CNBD1: variants seen among roughly 807,000 people sequenced by gnomAD.
CNBD1 encodes cyclic nucleotide binding domain containing 1.
A neutral mutation model predicts 54.4 loss-of-function variants in CNBD1; 71 were observed. The observed-to-expected ratio is 1.30, with a 90% CI of 1.08 to 1.59. The LOEUF (loss-of-function observed/expected upper bound fraction) is 1.59. Ranked by LOEUF, CNBD1 falls within the 40% of genes most tolerant of loss-of-function variation. CNBD1 has a pLI of 0.00. For missense variants in CNBD1, 659 were observed against 518.0 expected, an observed-to-expected ratio of 1.27 and a Z score of -2.64; for synonymous variants, 182 against 170.7, an observed-to-expected ratio of 1.07 and a Z score of -0.51.
chr8:87,354,800 C>T (rs1206972948), intron 10 of CNBD1, among the ~76,000 whole-genome samples: 1 of 152,146 alleles, frequency 6.6e-6, no homozygotes, highest in Non-Finnish European at 1.5e-5. Flanking sequence ...TTAACCCAGT[C>T]TATCACTGTT....
At chr8:87,020,076 C>T (rs890262287) in intron 4 of CNBD1, among the ~76,000 whole-genome samples, 1 of 152,038 alleles carries the variant, frequency 6.6e-6, no homozygotes, top group Non-Finnish European at 1.5e-5. Flanking sequence ...CTACCTGTAA[C>T]CTTGGATGCC....
chr8:87,061,073 C>A (rs1295374544), intron 4 of CNBD1, among the ~76,000 whole-genome samples: 1 of 152,168 alleles, frequency 6.6e-6, no homozygotes, highest in African/African-American at 2.4e-5. Flanking sequence ...TATAAAATTC[C>A]TTTTCAAAAT....
At chr8:87,300,169 A>G (rs1808956974) in intron 8 of CNBD1, among the ~76,000 whole-genome samples, 1 of 152,178 alleles carries the variant, frequency 6.6e-6, no homozygotes, top group Admixed American at 6.6e-5. Flanking sequence ...TCAATATTAT[A>G]GTTTTATGAA....
intron 5 of CNBD1, among the ~76,000 whole-genome samples, chr8:87,212,333 C>CT (rs1055555998): frequency 7.3e-5 from 11 of 151,696 alleles, no homozygotes; most frequent in Admixed American, 2.0e-4. Context: ...TACCAATTGT[C>CT]TTTTTTTTGC....
Position 87,326,991 on chromosome 8 carries a change from G to A in CNBD1, c.1043-24694G>A, listed in dbSNP as rs1185151513. ...GTACAGATGGGTTTTTGGTGTGGAT[G>A]TCCTTTCTGTTTGTTAGTTTTCCTT... is the stretch of plus-strand genomic sequence containing the variant. On this transcript the variant is annotated intron_variant, in intron 8 of 10. Coordinates refer to ENST00000518476, the MANE Select transcript of CNBD1 (RefSeq NM_173538.3). Among the ~76,000 whole-genome samples the A allele has an allele frequency of 7.5e-5, 11 of 147,408 alleles. No homozygotes were observed. In the South Asian group the frequency reaches 1.9e-3, roughly 26 times the overall value.
intron 8 of CNBD1, among the ~76,000 whole-genome samples, chr8:87,338,126 C>G (rs936273938): frequency 1.3e-5 from 2 of 152,106 alleles, no homozygotes; most frequent in Non-Finnish European, 2.9e-5. Flanking sequence ...ATTCTAATTT[C>G]AAATAATACT....
intron 4 of CNBD1, among the ~76,000 whole-genome samples, chr8:87,015,443 C>T (rs554622498): frequency 5.2e-4 from 79 of 152,152 alleles, no homozygotes; most frequent in African/African-American, 1.9e-3. Context: ...CCTCAGCCTC[C>T]CAAAGTGCTG....
intron 4 of CNBD1, among the ~76,000 whole-genome samples, chr8:87,093,655 T>C (rs747597581): frequency 6.6e-6 from 1 of 152,194 alleles, no homozygotes; most frequent in Non-Finnish European, 1.5e-5. Flanking sequence ...AGTTGACATA[T>C]ACAATCAACC....
chr8:87,315,109 T>C (rs1478502382), intron 8 of CNBD1, among the ~76,000 whole-genome samples: 1 of 151,414 alleles, frequency 6.6e-6, no homozygotes, highest in Non-Finnish European at 1.5e-5. Context: ...GACAGATTAA[T>C]TGAAGAACTA....
chr8:87,347,904 C>G (rs1314375602), intron 8 of CNBD1, among the ~76,000 whole-genome samples: 3 of 152,158 alleles, frequency 2.0e-5, no homozygotes, highest in African/African-American at 7.2e-5. Flanking sequence ...ATTTCTGTGA[C>G]TAATTCTATA....
At chr8:87,043,539 C>T (rs967828638) in intron 4 of CNBD1, among the ~76,000 whole-genome samples, 1 of 152,186 alleles carries the variant, frequency 6.6e-6, no homozygotes, top group Non-Finnish European at 1.5e-5. Context: ...ACTCCCTTTA[C>T]TCAGTGGCCT....
chr8:86,971,425 A>G lies in CNBD1; in HGVS notation c.431+31671A>G, dbSNP rs192820809. Reference sequence around the variant, plus strand: ...TTGAGATGAGATTTGGGTGGAGATGAAAAGCCAAATCATATCATTCTGTTT... The same window carrying G: ...TTGAGATGAGATTTGGGTGGAGATGGAAAGCCAAATCATATCATTCTGTTT... On this transcript the variant is annotated intron_variant, in intron 4 of 10. Coordinates refer to ENST00000518476, the MANE Select transcript of CNBD1 (RefSeq NM_173538.3). Among the ~76,000 whole-genome samples, 342 of 152,308 alleles carry G rather than the reference A, an allele frequency of 2.2e-3. 1 individual carries two copies. Among genetic ancestry groups the G allele is most frequent in the African/African-American group, 7.9e-3 (329 of 41,580 alleles).
At chr8:87,024,069 C>G (rs1238185503) in intron 4 of CNBD1, among the ~76,000 whole-genome samples, 1 of 151,240 alleles carries the variant, frequency 6.6e-6, no homozygotes, top group Non-Finnish European at 1.5e-5. Flanking sequence ...AACCCCGTCT[C>G]TACTAAAAAT....
intron 4 of CNBD1, among the ~76,000 whole-genome samples, chr8:87,204,823 G>A (rs780656755): frequency 1.3e-5 from 2 of 152,060 alleles, no homozygotes; most frequent in African/African-American, 2.4e-5. Context: ...TTAGGTTTTG[G>A]TTATGATATC....
chr8:86,949,820 T>TA (rs1188164462), intron 4 of CNBD1, among the ~76,000 whole-genome samples: 3 of 152,008 alleles, frequency 2.0e-5, no homozygotes, highest in Non-Finnish European at 4.4e-5. Flanking sequence ...CTTCACTTTT[T>TA]ATCCCATTCA....
At position 87,266,967 on chromosome 8, in the gene CNBD1, G is replaced by A. The variant is rs1489448092; in HGVS notation, c.772-17711G>A. 2.0e-5 allele frequency among the ~76,000 whole-genome samples: 3 copies of A among 151,844 alleles called. No homozygotes were observed. In the East Asian group the frequency reaches 5.8e-4, roughly 29 times the overall value. ...CTCTTTTCTTCATGGTATCATAACA[G>A]AAAACACCTTAAGTAACAGACTTAC... On this transcript the variant is annotated intron_variant, in intron 6 of 10. Coordinates refer to ENST00000518476, the MANE Select transcript of CNBD1 (RefSeq NM_173538.3).
intron 4 of CNBD1, among the ~76,000 whole-genome samples, chr8:87,055,916 TTC>T (rs1810407691): frequency 7.0e-6 from 1 of 142,868 alleles, no homozygotes; most frequent in Non-Finnish European, 1.5e-5. Context: ...CCTTCCTTCC[TTC>T]CTTCCTTCCT....
chr8:87,212,328 A>G (rs187056230), intron 5 of CNBD1, among the ~76,000 whole-genome samples: 5 of 152,214 alleles, frequency 3.3e-5, no homozygotes, highest in Admixed American at 2.0e-4. Context: ...AGAAATACCA[A>G]TTGTCTTTTT....
chr8:87,371,438 C>G (rs988666261), intron 10 of CNBD1, among the ~76,000 whole-genome samples: 15 of 151,888 alleles, frequency 9.9e-5, no homozygotes, highest in Non-Finnish European at 1.5e-4. Context: ...TGAAGAGGTC[C>G]TTCACGTCCC....
Sources: gnomAD v4.1 joint callset for allele counts (sites outside exome capture counted in the v4.1 genomes callset) on GRCh38, gnomAD v4.1.1 for gene constraint, MANE v1.5 for transcripts, NCBI Gene and HGNC (gene_info 2026-07-23, HGNC 2026-07-21) for gene names.